Variants in MINPP1 observed in about 807,000 individuals in gnomAD.
MINPP1 encodes the protein multiple inositol-polyphosphate phosphatase 1, also known as multiple inositol polyphosphate phosphatase 1.
MINPP1 carries 28 observed loss-of-function variants against 46.1 expected under a neutral mutation model. The ratio of observed to expected loss-of-function variants is 0.61; its 90% confidence interval spans 0.45 to 0.83. The LOEUF (loss-of-function observed/expected upper bound fraction) is 0.83. MINPP1 is among the 40% of genes least tolerant of loss of function. MINPP1 has a pLI of 0.00. For synonymous variants in MINPP1, 268 were observed against 249.1 expected (o/e 1.08, Z -0.72); for missense variants, 603 against 610.0 (o/e 0.99, Z 0.12).
chr10:87,549,213 A>G (rs1851929290), intron 4 of MINPP1, among the ~76,000 whole-genome samples: 2 of 152,182 alleles, frequency 1.3e-5, no homozygotes, highest in Admixed American at 6.5e-5. Context: ...GAAATTTACA[A>G]CTTAAATTTG....
chr10:87,552,187 A>G lies in MINPP1; in HGVS notation c.1173A>G (p.Thr391=). Residue 391 remains threonine, a synonymous_variant, in exon 5 of 5, where the codon ACA becomes ACG. Transcript: ENST00000371996. ...ACTTCAAAGACAAGGAACCCCTAAC[A>G]GCGTACAATTACAAAAAACAAATGC... ...MGYFKDKEPL[T]AYNYKKQMHR... 1 of 1,613,796 alleles carries G rather than the reference A, an allele frequency of 6.2e-7. No individual in the cohort carries two copies. The highest frequency in any genetic ancestry group is 8.5e-7 in the Non-Finnish European group (1 of 1,179,822).
chr10:87,525,142 T>C (rs1203755162), intron 4 of MINPP1, among the ~76,000 whole-genome samples: 1 of 152,202 alleles, frequency 6.6e-6, no homozygotes, highest in Non-Finnish European at 1.5e-5. Flanking sequence ...AATACCTGTA[T>C]CATATACAGT....
At chr10:87,523,154 A>C (rs1295459283) in intron 4 of MINPP1, among the ~76,000 whole-genome samples, 1 of 152,156 alleles carries the variant, frequency 6.6e-6, no homozygotes, top group Non-Finnish European at 1.5e-5. Flanking sequence ...AGCCTCTTCC[A>C]AACTCCTGGT....
intron 2 of MINPP1, among the ~76,000 whole-genome samples, chr10:87,510,115 G>T (rs944664978): frequency 1.3e-5 from 2 of 152,124 alleles, no homozygotes; most frequent in African/African-American, 4.8e-5. Flanking sequence ...TTATGCCACA[G>T]TTTCCTTTTC....
intron 4 of MINPP1, among the ~76,000 whole-genome samples, chr10:87,534,194 A>G (rs2131829399): frequency 6.6e-6 from 1 of 152,036 alleles, no homozygotes; most frequent in African/African-American, 2.4e-5. Flanking sequence ...CTGGGATTAC[A>G]GGCACCTGCC....
Position 87,552,089 on chromosome 10 carries a change from C to A in MINPP1, c.1075C>A (p.Pro359Thr), listed in dbSNP as rs747065294. 3 of 1,611,652 alleles carry A rather than the reference C, an allele frequency of 1.9e-6. No individual in the cohort carries two copies. Among genetic ancestry groups the A allele is most frequent in the Non-Finnish European group, 2.5e-6 (3 of 1,178,556 alleles). Residue 359 changes from proline (P) to threonine (T), a missense_variant, in exon 5 of 5, where the codon CCA becomes ACA. Transcript: ENST00000371996. The stretch of plus-strand genomic sequence containing the variant: ...CTTAATTTCTATTTGAAGGTCTCAG[C>A]CAATTTCTTCTCCAGTCATCCTCCA... ...KAVEQKQRSQPISSPVILQFG... is the reference protein window; with the variant it reads ...KAVEQKQRSQTISSPVILQFG...
At chr10:87,531,006 C>T (rs186383037) in intron 4 of MINPP1, among the ~76,000 whole-genome samples, 250 of 152,314 alleles carry the variant, frequency 1.6e-3, no homozygotes, top group African/African-American at 5.7e-3. Flanking sequence ...CCGAGCCAGG[C>T]GCAGGATATA....
intron 4 of MINPP1, among the ~76,000 whole-genome samples, chr10:87,540,601 T>G (rs140207535): frequency 4.7e-4 from 71 of 152,304 alleles, no homozygotes; most frequent in African/African-American, 1.7e-3. Context: ...GGCTTGTTCA[T>G]AGACCAGCTT....
At chr10:87,521,411 A>C (rs1166223221) in intron 4 of MINPP1, among the ~76,000 whole-genome samples, 1 of 152,192 alleles carries the variant, frequency 6.6e-6, no homozygotes, top group Non-Finnish European at 1.5e-5. Context: ...GTGTTCCTCA[A>C]CTATTCCATT....
rs1415150451 is a variant in MINPP1, at chr10:87,505,503, G to A, written c.588G>A (p.Gln196=). 1 of 1,612,188 alleles carries A rather than the reference G, an allele frequency of 6.2e-7. No individual in the cohort carries two copies. The highest frequency in any genetic ancestry group is 8.5e-7 in the Non-Finnish European group (1 of 1,179,636). ...TGGATAGCAGCGCCGCCTTCCTGCA[G>A]GGGCTGTGGCAGCACTACCACCCTG... ...RCMDSSAAFL[Q]GLWQHYHPGL... Residue 196 remains glutamine (Q), a synonymous_variant, in exon 1 of 5, where the codon CAG becomes CAA. Transcript: ENST00000371996. The surrounding 1 kb of genome is among the most constrained non-coding windows in gnomAD (Gnocchi z 4.4).
intron 4 of MINPP1, among the ~76,000 whole-genome samples, chr10:87,529,360 C>T: frequency 6.6e-6 from 1 of 152,164 alleles, no homozygotes; most frequent in Non-Finnish European, 1.5e-5. Flanking sequence ...TTGTTCCTTT[C>T]CATGTTTAGT....
chr10:87,538,808 A>G (rs955947627), intron 4 of MINPP1, among the ~76,000 whole-genome samples: 2 of 152,278 alleles, frequency 1.3e-5, no homozygotes, highest in Admixed American at 1.3e-4. Flanking sequence ...GTTTAAAAAC[A>G]TACTTTGCAT....
rs1266815988 is a variant in MINPP1 at position 87,505,820 on chromosome 10, G to A, written c.637+268G>A. ...CGCTGCCTGCTTTAGTAGAGTTGGG[G>A]ATCCAACAGGAAAGGGGACAGACGA... On this transcript the variant is annotated intron_variant, in intron 1 of 4. Transcript: ENST00000371996. This position sits in a 1 kb window ranked among gnomAD's most constrained non-coding sequence, Gnocchi z 4.4. 6.6e-6 allele frequency among the ~76,000 whole-genome samples: 1 copy of A among 152,120 alleles called. No homozygotes were observed. The highest frequency in any genetic ancestry group is 1.5e-5 in the Non-Finnish European group (1 of 68,012).
At chr10:87,534,887 G>A (rs189371177) in intron 4 of MINPP1, among the ~76,000 whole-genome samples, 1 of 152,164 alleles carries the variant, frequency 6.6e-6, no homozygotes, top group Non-Finnish European at 1.5e-5. Flanking sequence ...TTATTTCATG[G>A]CTCCATAACT....
At chr10:87,549,425 C>T (rs559230687) in intron 4 of MINPP1, among the ~76,000 whole-genome samples, 3 of 152,220 alleles carry the variant, frequency 2.0e-5, no homozygotes, top group Admixed American at 1.3e-4. Context: ...TAAGACTGTC[C>T]ATACCACTGT....
intron 4 of MINPP1, among the ~76,000 whole-genome samples, chr10:87,540,831 T>A (rs558140036): frequency 5.8e-4 from 89 of 152,348 alleles, no homozygotes; most frequent in African/African-American, 2.0e-3. Flanking sequence ...GTTCATAGAC[T>A]TGGAACCAAA....
chr10:87,519,633 C>T (rs970581727), intron 3 of MINPP1, among the ~76,000 whole-genome samples: 1 of 152,148 alleles, frequency 6.6e-6, no homozygotes, highest in Non-Finnish European at 1.5e-5. Context: ...TAGCAAGTAG[C>T]TCCTCCTCAC....
At chr10:87,537,511 T>TCTGTGTGTG (rs113605763) in intron 4 of MINPP1, among the ~76,000 whole-genome samples, 936 of 85,164 alleles carry the variant, frequency 0.011, 13 homozygotes, top group African/African-American at 0.018. Flanking sequence ...TTATTACTGT[T>TCTGTGTGTG]TGTGTGTGTG....
At chr10:87,517,357 G>T (rs574897720) in intron 3 of MINPP1, among the ~76,000 whole-genome samples, 7 of 152,236 alleles carry the variant, frequency 4.6e-5, no homozygotes, top group Admixed American at 6.5e-5. Context: ...CGTAAAACAT[G>T]TACCTGTAGC....
Sources: allele counts gnomAD v4.1 joint callset (sites outside exome capture counted in the v4.1 genomes callset), GRCh38; gene constraint gnomAD v4.1.1; non-coding constraint Gnocchi (gnomAD v3.1); transcripts MANE v1.5; gene names NCBI Gene and HGNC (gene_info 2026-07-23, HGNC 2026-07-21).